F13A1: variants seen among roughly 807,000 people sequenced by gnomAD.
F13A1 encodes the protein FSF, A subunit.
In F13A1, 47 loss-of-function variants were observed where a neutral mutation model predicts 80.1. The ratio of observed to expected loss-of-function variants is 0.59; its 90% CI spans 0.46 to 0.75. F13A1 has a LOEUF of 0.75. Among genes scored for constraint, F13A1 ranks in the 30% least tolerant of loss-of-function variants. The probability of loss-of-function intolerance (pLI) is 0.00; values close to 1 mark genes in which losing one functional copy is unlikely to be tolerated. For synonymous variants in F13A1, 349 were observed against 344.9 expected (o/e 1.01, Z -0.13); for missense variants, 817 against 930.4 (o/e 0.88, Z 1.59).
chr6:6,278,110 G>T (rs1482550152), intron 3 of F13A1, among the ~76,000 whole-genome samples: 1 of 152,202 alleles, frequency 6.6e-6, no homozygotes, highest in Non-Finnish European at 1.5e-5. Flanking sequence ...CACGATTCAG[G>T]ATCTTTTTCG....
At chr6:6,209,954 C>G (rs937272851) in intron 8 of F13A1, among the ~76,000 whole-genome samples, 2 of 151,794 alleles carry the variant, frequency 1.3e-5, no homozygotes, top group African/African-American at 4.8e-5. Flanking sequence ...GGCCTAGTGC[C>G]GTGGCTCATG....
intron 13 of F13A1, 114 bp downstream of exon 13, chr6:6,167,344 T>G (rs1220287076): frequency 1.2e-6 from 1 of 850,574 alleles, no homozygotes; most frequent in African/African-American, 2.4e-5. Flanking sequence ...TTTTTTTTTT[T>G]TTGAGCAGGA....
intron 14 of F13A1, among the ~76,000 whole-genome samples, chr6:6,146,576 G>A (rs1760285041): frequency 6.6e-6 from 1 of 152,112 alleles, no homozygotes; most frequent in Admixed American, 6.5e-5. Context: ...TTCACATATA[G>A]CCTCCCCTAT....
At chr6:6,245,913 C>T (rs2113095454) in intron 6 of F13A1, among the ~76,000 whole-genome samples, 1 of 152,198 alleles carries the variant, frequency 6.6e-6, no homozygotes, top group East Asian at 1.9e-4. Flanking sequence ...GATTTCTAGC[C>T]TCTATGACCA....
intron 6 of F13A1, among the ~76,000 whole-genome samples, chr6:6,234,662 GATACC>G (rs2113078814): frequency 6.6e-6 from 1 of 152,054 alleles, no homozygotes; most frequent in Admixed American, 6.6e-5. Flanking sequence ...TCAGTTAATT[GATACC>G]ATCTAACATT....
chr6:6,192,996 A>C (rs911730088), intron 10 of F13A1, among the ~76,000 whole-genome samples: 1 of 152,190 alleles, frequency 6.6e-6, no homozygotes, highest in Non-Finnish European at 1.5e-5. Context: ...AACAGCTCTC[A>C]TCTCCTCTCA....
intron 4 of F13A1, among the ~76,000 whole-genome samples, chr6:6,252,408 C>T (rs1336048853): frequency 6.6e-6 from 1 of 152,126 alleles, no homozygotes; most frequent in Non-Finnish European, 1.5e-5. Context: ...CACATATGTA[C>T]ATATGTATCT....
At position 6,224,859 on chromosome 6, in the gene F13A1, AC is replaced by A. The variant is rs1757253388; in HGVS notation, c.799del (p.Val267Ter). ...GACACCTTCGTCATCTTTGGCATTC[AC>A]CTAAATGAGTCCGTGAGAAGTGAGA... is the stretch of plus-strand genomic sequence containing the variant. ...IKVSRVGSAM[V>X]NAKDDEGVLV... is the part of the protein sequence containing the mutation. On this transcript the variant is annotated frameshift_variant and splice_region_variant, in exon 7 of 15. Coordinates refer to ENST00000264870, the MANE Select transcript of F13A1 (RefSeq NM_000129.4). LOFTEE classifies it high-confidence loss of function. The A allele has an allele frequency of 6.2e-7, 1 of 1,613,898 alleles. No individual in the cohort carries two copies. Among genetic ancestry groups the A allele is most frequent in the Non-Finnish European group, 8.5e-7 (1 of 1,179,908 alleles).
intron 12 of F13A1, among the ~76,000 whole-genome samples, chr6:6,171,453 C>CCA (rs1284055672): frequency 1.3e-5 from 2 of 152,220 alleles, no homozygotes; most frequent in Non-Finnish European, 2.9e-5. Context: ...TTCTCTCACA[C>CCA]CACATATCCA....
In F13A1 at chr6:6,145,359, T is replaced by C. The variant is rs751314413; in HGVS notation, c.*260A>G. The C allele has an allele frequency of 7.1e-5, 36 of 503,788 alleles. No individual in the cohort carries two copies. The highest frequency in any genetic ancestry group is 1.1e-4 in the Non-Finnish European group (31 of 276,780). 31.2% of individuals were successfully genotyped at this position (503,788 alleles called of 1,614,324 possible). A position where few individuals can be genotyped will look rare whatever the true frequency, so the allele number is the denominator to read the frequency against. On this transcript the variant is annotated 3_prime_UTR_variant, in exon 15 of 15. Coordinates refer to ENST00000264870, the MANE Select transcript of F13A1 (RefSeq NM_000129.4). ...TGATAAATGATGACTGTTACTCTTATGAGCTATGAGAGCTTAATTAAAGCT... is the reference window on the plus strand; with the variant it reads ...TGATAAATGATGACTGTTACTCTTACGAGCTATGAGAGCTTAATTAAAGCT...
chr6:6,216,919 A>G (rs1304884164), intron 8 of F13A1, among the ~76,000 whole-genome samples: 2 of 150,978 alleles, frequency 1.3e-5, no homozygotes, highest in Non-Finnish European at 2.9e-5. Context: ...CAAAAAACAC[A>G]TGAAAAAATG....
In F13A1 at chr6:6,151,956, G is replaced by C; in HGVS notation, c.1909-7C>G. On this transcript the variant is annotated splice_polypyrimidine_tract_variant and splice_region_variant and intron_variant, in intron 13 of 14. Coordinates refer to ENST00000264870, the MANE Select transcript of F13A1 (RefSeq NM_000129.4). The stretch of plus-strand genomic sequence containing the variant: ...CTACCTGAGTGCCACGGACCTAAGA[G>C]AGAGAATGCAGGTCATTAGCACCAA... 1.9e-6 allele frequency: 3 copies of C among 1,613,904 alleles called. No homozygotes were observed. The highest frequency in any genetic ancestry group is 1.7e-4 in the Middle Eastern group (1 of 6,058).
Sources: allele counts gnomAD v4.1 joint callset (sites outside exome capture counted in the v4.1 genomes callset), GRCh38; gene constraint gnomAD v4.1.1; transcripts MANE v1.5; gene names NCBI Gene and HGNC (gene_info 2026-07-23, HGNC 2026-07-21).